Variants in CPT1A observed in about 807,000 individuals in gnomAD.
CPT1A encodes carnitine palmitoyltransferase 1A.
Under a neutral mutation model 100.8 loss-of-function variants are expected in CPT1A, and 64 were observed. The observed-to-expected ratio is 0.63, with a 90% CI of 0.52 to 0.78. The LOEUF (loss-of-function observed/expected upper bound fraction) is 0.78. Ranked by LOEUF, CPT1A falls within the 30% of genes least tolerant of loss-of-function variation. The probability of loss-of-function intolerance (pLI) is 0.00; values close to 1 mark genes in which losing one functional copy is unlikely to be tolerated. For missense variants in CPT1A, 802 were observed against 1,034.1 expected (o/e 0.78, Z 3.08); for synonymous variants, 363 against 396.0 (o/e 0.92, Z 0.99).
chr11:68,778,057 C>A (rs1053985415), intron 12 of CPT1A, among the ~76,000 whole-genome samples: 1 of 151,904 alleles, frequency 6.6e-6, no homozygotes, highest in African/African-American at 2.4e-5. Context: ...TAGGGTCATA[C>A]TGGTGTCTTA....
intron 1 of CPT1A, among the ~76,000 whole-genome samples, chr11:68,827,795 C>A (rs1476963137): frequency 6.6e-6 from 1 of 152,178 alleles, no homozygotes; most frequent in Non-Finnish European, 1.5e-5. Context: ...ACGTGCGAGG[C>A]ACACACAAAT....
At position 68,807,550 on chromosome 11, in the gene CPT1A, A is replaced by G. The variant is rs771827839; in HGVS notation, c.370T>C (p.Tyr124His). Reference sequence around the variant, plus strand: ...TAGGAGAGCAGCACTTTCAGGGAGTAGCGCATGGTGACGATGAGGGCCACC... The same window carrying G: ...TAGGAGAGCAGCACTTTCAGGGAGTGGCGCATGGTGACGATGAGGGCCACC... ...LWVALIVTMR[Y>H]SLKVLLSYHG... is the part of the protein sequence containing the mutation. The change falls in exon 4 of 19, where the codon TAC (tyrosine) becomes CAC (histidine). Residue 124 changes from tyrosine to histidine, a missense_variant. By Grantham distance (83) the Tyr-to-His change is moderately conservative. This residue lies in a region of CPT1A where 161 missense variants were observed against 183.7 expected (regional missense o/e 0.88). Coordinates refer to ENST00000265641, the MANE Select transcript of CPT1A (RefSeq NM_001876.4). 3.8e-5 allele frequency: 62 copies of G among 1,614,044 alleles called. 1 individual carries two copies. In the South Asian group the frequency reaches 6.1e-4, roughly 16 times the overall value.
intron 2 of CPT1A, among the ~76,000 whole-genome samples, chr11:68,814,212 C>T (rs377641860): frequency 8.4e-6 from 1 of 118,380 alleles, no homozygotes; most frequent in Non-Finnish European, 1.5e-5. Context: ...AAACAAGACA[C>T]TTACTTAAAA....
intron 14 of CPT1A, among the ~76,000 whole-genome samples, chr11:68,766,968 G>C (rs1854825076): frequency 6.6e-6 from 1 of 152,194 alleles, no homozygotes; most frequent in Admixed American, 6.5e-5. Flanking sequence ...GTGCGGGCCA[G>C]GTGCTCTCTG....
At chr11:68,810,532 G>A (rs554840017) in intron 3 of CPT1A, among the ~76,000 whole-genome samples, 16 of 152,312 alleles carry the variant, frequency 1.1e-4, no homozygotes, top group Middle Eastern at 3.4e-3. Context: ...CTGGACGCTC[G>A]ATGACTCTGG....
chr11:68,759,580 A>G lies in CPT1A; in HGVS notation c.2224T>C (p.Cys742Arg), dbSNP rs1421459546. ...CTTTTCATACATACCGTCTCAGGGC[A>G]AGAGAACTTGGAAGAAATGTGGAAA... ...INFHISSKFS[C>R]PETDSHRFGR... Residue 742 changes from cysteine (C) to arginine (R), a missense_variant, in exon 18 of 19, where the codon TGC (cysteine) becomes CGC (arginine). Physicochemically the swap from Cys to Arg is radical, Grantham distance 180 (BLOSUM62 -3). This residue lies in a region of CPT1A where 627 missense variants were observed against 799.3 expected (regional missense o/e 0.78). Transcript: ENST00000265641. 7 of 1,610,422 alleles carry G rather than the reference A, an allele frequency of 4.3e-6. No individual in the cohort carries two copies. In the Admixed American group the frequency reaches 1.2e-4, roughly 27 times the overall value.
intron 8 of CPT1A, 111 bp downstream of exon 8, chr11:68,794,693 G>A (rs1322516397): frequency 3.1e-6 from 3 of 956,228 alleles, no homozygotes; most frequent in Non-Finnish European, 4.9e-6. Flanking sequence ...TTACAGGCGT[G>A]AGACCCTGTG....
At chr11:68,759,941 A>G (rs1946771283) in intron 17 of CPT1A, among the ~76,000 whole-genome samples, 1 of 152,106 alleles carries the variant, frequency 6.6e-6, no homozygotes, top group African/African-American at 2.4e-5. Flanking sequence ...CAGGAGGTGG[A>G]GGTGGGAGGA....
chr11:68,807,778 G>A, intron 3 of CPT1A, 140 bp from the exon 4 acceptor site: 3 of 778,746 alleles, frequency 3.9e-6, no homozygotes, highest in Middle Eastern at 3.4e-4. Flanking sequence ...CAGAGGGAGA[G>A]CACTTGCAGG....
chr11:68,782,553 A>G (rs1855341797), intron 10 of CPT1A, among the ~76,000 whole-genome samples: 2 of 152,178 alleles, frequency 1.3e-5, no homozygotes, highest in Admixed American at 1.3e-4. Flanking sequence ...CCCCTCCACA[A>G]GGAGGTCTCC....
At chr11:68,782,132 C>G (rs929519983) in intron 10 of CPT1A, among the ~76,000 whole-genome samples, 173 bp from the exon 11 acceptor site, 2 of 152,232 alleles carry the variant, frequency 1.3e-5, no homozygotes, top group African/African-American at 4.8e-5. Context: ...TCACCTGCTC[C>G]TGGTCTCCAG....
chr11:68,788,657 A>G (rs1855536209), intron 9 of CPT1A, among the ~76,000 whole-genome samples: 1 of 138,964 alleles, frequency 7.2e-6, no homozygotes, highest in African/African-American at 2.6e-5. Flanking sequence ...AAAAAAAAGC[A>G]GAATGTCTGG....
At chr11:68,830,146 C>T (rs1054362751) in intron 1 of CPT1A, among the ~76,000 whole-genome samples, 7 of 152,160 alleles carry the variant, frequency 4.6e-5, no homozygotes, top group African/African-American at 1.7e-4. Context: ...GATGTGGTGG[C>T]GCACACCGGT....
chr11:68,794,737 A>C, intron 8 of CPT1A, 67 bp downstream of exon 8: 1 of 1,289,090 alleles, frequency 7.8e-7, no homozygotes, highest in Non-Finnish European at 1.1e-6. Flanking sequence ...AAACATGTGC[A>C]ATATGTCAAT....
At chr11:68,839,462 T>C (rs924541308) in intron 1 of CPT1A, 2 of 971,972 alleles carry the variant, frequency 2.1e-6, no homozygotes, top group African/African-American at 3.5e-5. Context: ...CGGATCCTGT[T>C]CCACCCGCCG....
intron 5 of CPT1A, among the ~76,000 whole-genome samples, chr11:68,803,588 G>A (rs1357626256): frequency 6.6e-6 from 1 of 152,012 alleles, no homozygotes; most frequent in Non-Finnish European, 1.5e-5. Flanking sequence ...GCAGGTGCCT[G>A]TAATCCCAGC....
intron 5 of CPT1A, 139 bp downstream of exon 5, chr11:68,803,861 G>A (rs1030457763): frequency 3.1e-6 from 2 of 640,888 alleles, no homozygotes; most frequent in Non-Finnish European, 2.8e-6. Context: ...AAAAAAAAGA[G>A]TTCCTATGAG....
intron 1 of CPT1A, among the ~76,000 whole-genome samples, chr11:68,827,257 C>T (rs1009226928): frequency 5.3e-5 from 8 of 152,054 alleles, no homozygotes; most frequent in East Asian, 1.9e-4. Flanking sequence ...CACACAAGCC[C>T]GGGAGGTTGA....
chr11:68,796,797 T>A, intron 7 of CPT1A, 59 bp downstream of exon 7: 1 of 1,555,138 alleles, frequency 6.4e-7, no homozygotes, highest in South Asian at 1.1e-5. Context: ...GCCACCTCTG[T>A]GGACAGACCC....
Sources: gnomAD v4.1 joint callset for allele counts (sites outside exome capture counted in the v4.1 genomes callset) on GRCh38, gnomAD v4.1.1 for gene constraint, gnomAD v4.1.1 regional missense constraint, MANE v1.5 for transcripts, NCBI Gene and HGNC (gene_info 2026-07-23, HGNC 2026-07-21) for gene names.